Variants in SLC30A6 observed in about 807,000 individuals in gnomAD.
SLC30A6 encodes the protein zinc transporter 6.
A neutral mutation model predicts 63.0 loss-of-function variants in SLC30A6; 55 were observed. The observed-to-expected ratio is 0.87, with a 90% CI of 0.70 to 1.09. The LOEUF (loss-of-function observed/expected upper bound fraction) is 1.09, where lower values mean the gene tolerates loss of function less well. Ranked by LOEUF, SLC30A6 falls within the 50% of genes least tolerant of loss-of-function variation. SLC30A6 has a pLI of 0.00. For synonymous variants in SLC30A6, 224 were observed against 186.1 expected, an observed-to-expected ratio of 1.20 and a Z score of -1.66; for missense variants, 587 against 549.2, an observed-to-expected ratio of 1.07 and a Z score of -0.69.
At chr2:32,179,804 A>G (rs1039001983) in intron 4 of SLC30A6, among the ~76,000 whole-genome samples, 1 of 152,194 alleles carries the variant, frequency 6.6e-6, no homozygotes, top group Admixed American at 6.5e-5. Flanking sequence ...GCGTAAATAT[A>G]CATAGGAAAG....
At chr2:32,189,492 C>T (rs192360326) in intron 5 of SLC30A6, among the ~76,000 whole-genome samples, 69 of 150,242 alleles carry the variant, frequency 4.6e-4, no homozygotes, top group Admixed American at 2.0e-3. Context: ...AAATGGGGTT[C>T]CACCATGTTG....
intron 1 of SLC30A6, among the ~76,000 whole-genome samples, chr2:32,167,425 C>T (rs1400207378): frequency 6.7e-6 from 1 of 150,126 alleles, no homozygotes; most frequent in Non-Finnish European, 1.5e-5. Context: ...ATGCAACATC[C>T]GTATTTCAGC....
chr2:32,196,394 G>A (rs1683792785), intron 8 of SLC30A6, among the ~76,000 whole-genome samples: 1 of 152,170 alleles, frequency 6.6e-6, no homozygotes, highest in South Asian at 2.1e-4. Context: ...CTTTCTATAT[G>A]CCAAGCACTG....
intron 5 of SLC30A6, among the ~76,000 whole-genome samples, chr2:32,185,713 T>C (rs759479154): frequency 3.3e-5 from 5 of 151,988 alleles, no homozygotes; most frequent in Admixed American, 6.6e-5. Context: ...TTAAAAAATA[T>C]TATTTTTAAT....
intron 4 of SLC30A6, among the ~76,000 whole-genome samples, chr2:32,178,768 T>C (rs1408301404): frequency 6.6e-6 from 1 of 152,246 alleles, no homozygotes; most frequent in African/African-American, 2.4e-5. Context: ...GATCTGTATG[T>C]CTGTCCTTTA....
intron 10 of SLC30A6, among the ~76,000 whole-genome samples, chr2:32,201,436 A>G (rs143739617): frequency 2.0e-4 from 31 of 152,350 alleles, no homozygotes; most frequent in Middle Eastern, 3.4e-3. Context: ...GAAACTTGAT[A>G]TAATTACTGA....
At chr2:32,205,205 T>G (rs760743570) in intron 11 of SLC30A6, among the ~76,000 whole-genome samples, 19 of 152,066 alleles carry the variant, frequency 1.2e-4, no homozygotes, top group South Asian at 4.1e-4. Context: ...CAGATCACAA[T>G]GTCAGTAGTT....
intron 5 of SLC30A6, among the ~76,000 whole-genome samples, chr2:32,188,233 G>A (rs367865288): frequency 3.3e-5 from 5 of 152,102 alleles, no homozygotes; most frequent in South Asian, 2.1e-4. Flanking sequence ...TGGCTTCATC[G>A]TGTTACTCAT....
chr2:32,210,918 A>G (rs1685204710), intron 13 of SLC30A6, among the ~76,000 whole-genome samples: 1 of 152,190 alleles, frequency 6.6e-6, no homozygotes, highest in South Asian at 2.1e-4. Context: ...CCAGAGTGTC[A>G]AGAGACCAAA....
intron 10 of SLC30A6, among the ~76,000 whole-genome samples, chr2:32,198,059 C>T (rs373549012): frequency 6.6e-6 from 1 of 152,208 alleles, no homozygotes; most frequent in Non-Finnish European, 1.5e-5. Context: ...AAATTCCCTA[C>T]TGCTGACCTG....
At chr2:32,218,298 A>G (rs576282528) in intron 13 of SLC30A6, among the ~76,000 whole-genome samples, 3 of 152,292 alleles carry the variant, frequency 2.0e-5, no homozygotes, top group African/African-American at 7.2e-5. Context: ...CCCATAATTT[A>G]TGGTAAACAC....
chr2:32,169,328 C>G (rs944423717), intron 1 of SLC30A6, among the ~76,000 whole-genome samples: 1 of 152,050 alleles, frequency 6.6e-6, no homozygotes, highest in African/African-American at 2.4e-5. Flanking sequence ...ACCACTATGC[C>G]TGGCTAATTT....
chr2:32,188,350 AC>A (rs762640707), intron 5 of SLC30A6, among the ~76,000 whole-genome samples: 69 of 152,324 alleles, frequency 4.5e-4, no homozygotes, highest in Middle Eastern at 6.8e-3. Flanking sequence ...AATTCTCTGT[AC>A]AGAACTTACC....
At chr2:32,203,390 A>G (rs1483292219) in intron 10 of SLC30A6, 2 of 1,125,422 alleles carry the variant, frequency 1.8e-6, no homozygotes, top group African/African-American at 3.0e-5. Flanking sequence ...CACGGATGCC[A>G]TAAGGTCTCT....
At chr2:32,172,614 C>G (rs1307927036) in intron 2 of SLC30A6, among the ~76,000 whole-genome samples, 1 of 152,168 alleles carries the variant, frequency 6.6e-6, no homozygotes, top group Non-Finnish European at 1.5e-5. Flanking sequence ...CACTTTCTTT[C>G]TACTCTACTT....
chr2:32,208,821 TC>T (rs1248147541), intron 12 of SLC30A6, among the ~76,000 whole-genome samples: 1 of 152,244 alleles, frequency 6.6e-6, no homozygotes, highest in Non-Finnish European at 1.5e-5. Flanking sequence ...GCCTAGACTT[TC>T]TTTTAAGTTG....
At chr2:32,183,761 T>C (rs574440164) in intron 4 of SLC30A6, among the ~76,000 whole-genome samples, 74 of 152,180 alleles carry the variant, frequency 4.9e-4, no homozygotes, top group Non-Finnish European at 8.7e-4. Context: ...ACGCAGATAG[T>C]TGTTACCTCA....
intron 13 of SLC30A6, among the ~76,000 whole-genome samples, chr2:32,218,818 A>G (rs1298341370): frequency 1.3e-5 from 2 of 151,948 alleles, no homozygotes; most frequent in Non-Finnish European, 2.9e-5. Context: ...TGGCCTCCCA[A>G]AGTGCTGGGA....
chr2:32,175,459 G>T, intron 4 of SLC30A6, 98 bp downstream of exon 4: 1 of 974,232 alleles, frequency 1.0e-6, no homozygotes. Flanking sequence ...AGCAACTACT[G>T]ATATCTTACA....
Sources: gnomAD v4.1 joint callset for allele counts (sites outside exome capture counted in the v4.1 genomes callset) on GRCh38, gnomAD v4.1.1 for gene constraint, MANE v1.5 for transcripts, NCBI Gene and HGNC (gene_info 2026-07-23, HGNC 2026-07-21) for gene names.